BAZ1B: variants seen among roughly 807,000 people sequenced by gnomAD.
BAZ1B encodes the protein tyrosine-protein kinase BAZ1B.
Under a neutral mutation model 153.8 loss-of-function variants are expected in BAZ1B, and 22 were observed. The observed-to-expected ratio is 0.14, with a 90% CI of 0.10 to 0.20. The LOEUF (loss-of-function observed/expected upper bound fraction) is 0.20. Ranked by LOEUF, BAZ1B falls within the 10% of genes least tolerant of loss-of-function variation. The pLI, the probability that BAZ1B is intolerant of heterozygous loss-of-function variation, is 1.00. For synonymous variants in BAZ1B, 676 were observed against 633.4 expected, an observed-to-expected ratio of 1.07 and a Z score of -1.01; for missense variants, 1,325 against 1,799.3, an observed-to-expected ratio of 0.74 and a Z score of 4.77.
chr7:73,516,396 T>C (rs1790799890), intron 1 of BAZ1B, among the ~76,000 whole-genome samples: 1 of 152,112 alleles, frequency 6.6e-6, no homozygotes, highest in Admixed American at 6.6e-5. Context: ...GCTTACATTA[T>C]ACTTTTGTTG....
chr7:73,461,808 G>GAC (rs1788405395), intron 12 of BAZ1B, among the ~76,000 whole-genome samples: 1 of 152,202 alleles, frequency 6.6e-6, no homozygotes, highest in Admixed American at 6.5e-5. Context: ...CACATATGTT[G>GAC]GCTGGGTGAG....
intron 13 of BAZ1B, among the ~76,000 whole-genome samples, chr7:73,452,147 A>G (rs1788044108): frequency 1.3e-5 from 2 of 152,130 alleles, no homozygotes. Flanking sequence ...GGCTTATTTA[A>G]CCTCGTTTTT....
At chr7:73,515,394 G>C (rs1244121359) in intron 1 of BAZ1B, among the ~76,000 whole-genome samples, 4 of 152,054 alleles carry the variant, frequency 2.6e-5, no homozygotes, top group African/African-American at 9.7e-5. Flanking sequence ...TCGACCAATA[G>C]ATGTGAGCAG....
chr7:73,496,236 A>G (rs948990383), intron 4 of BAZ1B, among the ~76,000 whole-genome samples: 2 of 152,198 alleles, frequency 1.3e-5, no homozygotes, highest in African/African-American at 4.8e-5. Flanking sequence ...CCCTTATTAC[A>G]AAACTTCAGT....
Position 73,463,239 on chromosome 7 carries a change from CTTTTTTT to C in BAZ1B, c.3072-147_3072-141del, listed in dbSNP as rs11340027. 7.4e-3 allele frequency: 3,444 copies of C among 466,506 alleles called. 31 individuals are homozygous for C. The highest frequency in any genetic ancestry group is 0.043 in the African/African-American group (1,823 of 42,038). 28.9% of individuals were successfully genotyped at this position (466,506 alleles called of 1,614,324 possible). A position where few individuals can be genotyped will look rare whatever the true frequency, so the allele number is the denominator to read the frequency against. On this transcript the variant is annotated intron_variant, in intron 11 of 19. Transcript: ENST00000339594. ...CTCTCCCTGGTGTTTTTTCTTTTTT[CTTTTTTT>C]TTTTTTTTTTTCCCCCGAGACAGGG...
chr7:73,468,959 G>A (rs1249101925), intron 9 of BAZ1B, among the ~76,000 whole-genome samples: 6 of 151,910 alleles, frequency 3.9e-5, no homozygotes, highest in Non-Finnish European at 8.8e-5. Flanking sequence ...GCGAAACCCC[G>A]TCCCTACAAA....
At position 73,447,395 on chromosome 7, in the gene BAZ1B, A is replaced by G; in HGVS notation, c.3729-16T>C. 6.2e-7 allele frequency: 1 copy of G among 1,604,290 alleles called. No individual in the cohort carries two copies. Among genetic ancestry groups the G allele is most frequent in the African/African-American group, 1.3e-5 (1 of 74,722 alleles). On this transcript the variant is annotated splice_polypyrimidine_tract_variant and intron_variant, in intron 15 of 19. Coordinates refer to ENST00000339594, the MANE Select transcript of BAZ1B (RefSeq NM_032408.4). ...AGTATAGTTCCTGTGGGTAGAAAAA[A>G]TAATGTAGGGAACACAGTTTTAGCC...
chr7:73,442,135 C>CGG, intron 19 of BAZ1B, 46 bp downstream of exon 19: 1 of 615,050 alleles, frequency 1.6e-6, no homozygotes. Context: ...CCTCGCTCGC[C>CGG]TCCCTCCCAC....
chr7:73,457,458 G>A (rs929892945), intron 13 of BAZ1B, among the ~76,000 whole-genome samples: 5 of 152,118 alleles, frequency 3.3e-5, no homozygotes, highest in Non-Finnish European at 7.4e-5. Flanking sequence ...AATTACAGGC[G>A]TGAGCCACCA....
In BAZ1B at chr7:73,476,782, C is replaced by G. The variant is rs1789016002; in HGVS notation, c.2593+86G>C. 6.6e-6 allele frequency: 10 copies of G among 1,516,022 alleles called. No homozygotes were observed. The South Asian group carries it at 1.4e-4, about 21-fold the overall frequency. 93.9% of individuals were successfully genotyped at this position (1,516,022 alleles called of 1,614,324 possible). ...TTACATACAGAAATAAGTAAACAAA[C>G]AGAGACCCTACCATTACCTCAGTAA... is the stretch of plus-strand genomic sequence containing the variant. On this transcript the variant is annotated intron_variant, in intron 7 of 19. Transcript: ENST00000339594.
At chr7:73,483,679 T>C (rs1789285345) in intron 6 of BAZ1B, among the ~76,000 whole-genome samples, 1 of 152,088 alleles carries the variant, frequency 6.6e-6, no homozygotes, top group Non-Finnish European at 1.5e-5. Context: ...ACTCTGTCTG[T>C]CACACAGGCT....
At chr7:73,510,930 G>T in intron 1 of BAZ1B, 78 bp from the exon 2 acceptor site, 1 of 1,177,402 alleles carries the variant, frequency 8.5e-7, no homozygotes, top group Non-Finnish European at 1.2e-6. Flanking sequence ...CTTATATACA[G>T]AAAAAAATCT....
At chr7:73,459,458 T>C in intron 13 of BAZ1B, 78 bp downstream of exon 13, 1 of 1,447,032 alleles carries the variant, frequency 6.9e-7, no homozygotes, top group Non-Finnish European at 9.4e-7. Flanking sequence ...GCAGCTAAAA[T>C]GCATAGGGTT....
chr7:73,512,535 T>A (rs1182774218), intron 1 of BAZ1B, among the ~76,000 whole-genome samples: 1 of 152,144 alleles, frequency 6.6e-6, no homozygotes, highest in African/African-American at 2.4e-5. Context: ...GTTTAGACAG[T>A]CTTCGTGAGG....
chr7:73,493,639 G>A (rs185937132), intron 4 of BAZ1B, among the ~76,000 whole-genome samples: 99 of 151,944 alleles, frequency 6.5e-4, no homozygotes, highest in African/African-American at 2.2e-3. Flanking sequence ...CCAGGAGTTC[G>A]AGACCAGCCT....
intron 1 of BAZ1B, among the ~76,000 whole-genome samples, chr7:73,516,510 C>A (rs531049983): frequency 3.2e-4 from 48 of 151,846 alleles, no homozygotes; most frequent in African/African-American, 9.9e-4. Flanking sequence ...TGGGGCCAGG[C>A]GCGGTGGCTC....
Position 73,465,467 on chromosome 7 carries a change from T to G in BAZ1B, c.3043A>C (p.Ser1015Arg). The G allele has an allele frequency of 6.2e-7, 1 of 1,608,932 alleles. No individual in the cohort carries two copies. The highest frequency in any genetic ancestry group is 8.5e-7 in the Non-Finnish European group (1 of 1,177,448). ...TTCTCTAGTCTCTCTTTAAGTTGAC[T>G]TTCTCTTATTCCCTGAGGGTGAAGA... Reference protein sequence around the residue: ...NCLHPQGIRESQLKERLEKRY... With the variant: ...NCLHPQGIRERQLKERLEKRY... Residue 1015 changes from serine to arginine, a missense_variant, in exon 11 of 20, where the codon AGT becomes CGT. By Grantham distance (110) the Ser-to-Arg change is moderately radical (BLOSUM62 -1). This residue lies in a region of BAZ1B where 431 missense variants were observed against 563.5 expected (regional missense o/e 0.76). Coordinates refer to ENST00000339594, the MANE Select transcript of BAZ1B (RefSeq NM_032408.4).
At chr7:73,469,740 C>T (rs1788726065) in intron 8 of BAZ1B, 90 bp from the exon 9 acceptor site, 2 of 1,474,746 alleles carry the variant, frequency 1.4e-6, no homozygotes, top group Non-Finnish European at 1.9e-6. Context: ...CAGAGTATCA[C>T]TGAGCATTCA....
At position 73,522,251 on chromosome 7, in the gene BAZ1B, G is replaced by A. The variant is rs563520539; in HGVS notation, c.-318C>T. 7.9e-6 allele frequency: 3 copies of A among 377,852 alleles called. No homozygotes were observed. Among genetic ancestry groups the A allele is most frequent in the Non-Finnish European group, 9.4e-6 (2 of 212,698 alleles). The allele number at this position is 377,852 out of a possible 1,614,324, so 23.4% of individuals were successfully genotyped here. ...CCGGAGGAAATTATTGAAAAATGGCGGGAGATTCCCCTCCTCCCCCGGGCC... is the reference window on the plus strand; with the variant it reads ...CCGGAGGAAATTATTGAAAAATGGCAGGAGATTCCCCTCCTCCCCCGGGCC... On this transcript the variant is annotated 5_prime_UTR_variant, in exon 1 of 20. Coordinates refer to ENST00000339594, the MANE Select transcript of BAZ1B (RefSeq NM_032408.4).
Sources: gnomAD v4.1 joint callset for allele counts (sites outside exome capture counted in the v4.1 genomes callset) on GRCh38, gnomAD v4.1.1 for gene constraint, gnomAD v4.1.1 regional missense constraint, MANE v1.5 for transcripts, NCBI Gene and HGNC (gene_info 2026-07-23, HGNC 2026-07-21) for gene names.